The following PSMD11 variants were observed in gnomAD, a reference collection of about 807,000 sequenced individuals.
PSMD11 encodes proteasome 26S subunit, non-ATPase 11.
PSMD11 carries 5 observed loss-of-function variants against 62.3 expected under a neutral mutation model. The ratio of observed to expected loss-of-function variants is 0.08; its 90% confidence interval spans 0.04 to 0.17. PSMD11 has a LOEUF of 0.17. Among genes scored for constraint, PSMD11 ranks in the 10% least tolerant of loss-of-function variants. The pLI is 1.00. For synonymous variants in PSMD11, 191 were observed against 191.8 expected, an observed-to-expected ratio of 1.00 and a Z score of 0.03; for missense variants, 310 against 512.9, an observed-to-expected ratio of 0.60 and a Z score of 3.82.
intron 5 of PSMD11, 86 bp from the exon 6 acceptor site, chr17:32,468,913 T>A: frequency 2.5e-6 from 3 of 1,195,952 alleles, no homozygotes; most frequent in Non-Finnish European, 3.4e-6. Flanking sequence ...TTTTTTTTAA[T>A]CCTGAGTGTT....
chr17:32,463,960 A>T, intron 3 of PSMD11, 89 bp from the exon 4 acceptor site: 2 of 1,161,086 alleles, frequency 1.7e-6, no homozygotes, highest in South Asian at 1.2e-5. Flanking sequence ...ATAATATGTA[A>T]GGAGGGAATT....
chr17:32,449,147 G>T (rs1371457851), intron 2 of PSMD11, among the ~76,000 whole-genome samples: 1 of 152,150 alleles, frequency 6.6e-6, no homozygotes, highest in Non-Finnish European at 1.5e-5. Flanking sequence ...GCTCATGCCT[G>T]TAATCCCAGC....
At chr17:32,456,586 G>A (rs1228992850) in intron 3 of PSMD11, among the ~76,000 whole-genome samples, 1 of 152,134 alleles carries the variant, frequency 6.6e-6, no homozygotes, top group African/African-American at 2.4e-5. Flanking sequence ...CTGGAGTGCA[G>A]TGGCACGATC....
intron 11 of PSMD11, 79 bp from the exon 12 acceptor site, chr17:32,480,067 C>T: frequency 6.5e-7 from 1 of 1,541,898 alleles, no homozygotes; most frequent in Non-Finnish European, 9.0e-7. Context: ...GGCCTAAGAC[C>T]CCTCCAACAA....
intron 2 of PSMD11, among the ~76,000 whole-genome samples, chr17:32,449,114 T>G (rs1274880272): frequency 6.6e-6 from 1 of 152,194 alleles, no homozygotes; most frequent in African/African-American, 2.4e-5. Context: ...GAAAATTTTT[T>G]TTGTTGTTAG....
rs1908507473 is a variant in PSMD11 at position 32,481,971 on chromosome 17, C to A, written c.*1219C>A. ...ACGATTACACAGCGAGGCTTTAATG[C>A]CATTTGGGTAGGTGAGCTTCTGCAC... On this transcript the variant is annotated 3_prime_UTR_variant, in exon 14 of 14. Coordinates refer to ENST00000261712, the MANE Select transcript of PSMD11 (RefSeq NM_002815.4). The A allele has an allele frequency of 6.6e-6, 1 of 152,064 alleles. No individual in the cohort carries two copies. The highest frequency in any genetic ancestry group is 2.4e-5 in the African/African-American group (1 of 41,390). 9.4% of individuals were successfully genotyped at this position (152,064 alleles called of 1,614,324 possible).
At chr17:32,447,129 C>G (rs1907355658) in intron 2 of PSMD11, 83 bp downstream of exon 2, 3 of 1,079,892 alleles carry the variant, frequency 2.8e-6, no homozygotes, top group African/African-American at 1.7e-5. Context: ...GGGACTGATC[C>G]ACAAACTGAA....
At chr17:32,457,137 T>C (rs1949096444) in intron 3 of PSMD11, among the ~76,000 whole-genome samples, 1 of 152,252 alleles carries the variant, frequency 6.6e-6, no homozygotes, top group Admixed American at 6.5e-5. Context: ...ATTACATTTA[T>C]ATAAAGTAAA....
chr17:32,465,464 A>G (rs1907967034), intron 5 of PSMD11, among the ~76,000 whole-genome samples: 1 of 152,160 alleles, frequency 6.6e-6, no homozygotes, highest in South Asian at 2.1e-4. Context: ...TCCGAACAAA[A>G]GAACATGGCT....
At chr17:32,467,419 T>C (rs1908028682) in intron 5 of PSMD11, among the ~76,000 whole-genome samples, 1 of 151,756 alleles carries the variant, frequency 6.6e-6, no homozygotes, top group Non-Finnish European at 1.5e-5. Context: ...CTAGTTTGTA[T>C]ATTTTTAATA....
intron 2 of PSMD11, among the ~76,000 whole-genome samples, chr17:32,452,372 A>G (rs554301498): frequency 2.6e-4 from 39 of 152,324 alleles, no homozygotes; most frequent in Non-Finnish European, 5.3e-4. Flanking sequence ...TGTATCCAAA[A>G]CATGTTAATA....
chr17:32,475,084 T>A (rs1289462732), intron 8 of PSMD11, among the ~76,000 whole-genome samples: 2 of 152,130 alleles, frequency 1.3e-5, no homozygotes, highest in Non-Finnish European at 2.9e-5. Context: ...TTGCAGTGAG[T>A]TAGTTTGCAT....
intron 2 of PSMD11, among the ~76,000 whole-genome samples, chr17:32,451,427 T>C (rs2150829333): frequency 6.6e-6 from 1 of 152,310 alleles, no homozygotes; most frequent in South Asian, 2.1e-4. Context: ...GTTTCTTTTA[T>C]TATCAAAAAA....
intron 8 of PSMD11, among the ~76,000 whole-genome samples, chr17:32,476,504 C>G (rs1163063211): frequency 1.3e-5 from 2 of 152,160 alleles, no homozygotes; most frequent in African/African-American, 2.4e-5. Flanking sequence ...ACCATGTAGT[C>G]TACTGTATAA....
At position 32,474,774 on chromosome 17, in the gene PSMD11, G is replaced by C. The variant is rs1288046584; in HGVS notation, c.799G>C (p.Val267Leu). 6.2e-7 allele frequency: 1 copy of C among 1,614,094 alleles called. No individual in the cohort carries two copies. The change falls in exon 8 of 14, where the codon GTC becomes CTC. Residue 267 changes from valine (V) to leucine (L), a missense_variant. This residue lies in a region of PSMD11 where 135 missense variants were observed against 195.4 expected (regional missense o/e 0.69). Coordinates refer to ENST00000261712, the MANE Select transcript of PSMD11 (RefSeq NM_002815.4). ...TGTCTTTTTTTCTAGCCCAGAAGATGTCCAGGCTTTGGTGAGCGGGAAGCT... is the reference window on the plus strand; with the variant it reads ...TGTCTTTTTTTCTAGCCCAGAAGATCTCCAGGCTTTGGTGAGCGGGAAGCT... ...CKIMLNTPED[V>L]QALVSGKLAL...
intron 2 of PSMD11, among the ~76,000 whole-genome samples, chr17:32,453,684 C>T (rs1341859702): frequency 6.6e-6 from 1 of 152,190 alleles, no homozygotes; most frequent in African/African-American, 2.4e-5. Flanking sequence ...TTTTAACCTA[C>T]ATTCCAAAAT....
chr17:32,449,231 C>A (rs867067929), intron 2 of PSMD11, among the ~76,000 whole-genome samples: 10 of 152,024 alleles, frequency 6.6e-5, no homozygotes, highest in Admixed American at 3.9e-4. Context: ...ATAATGAGAC[C>A]CTGTCTCTAC....
chr17:32,469,135 C>T lies in PSMD11; in HGVS notation c.585C>T (p.Thr195=). ...GAGCTGCCTTAACTTCTGCTCGAACCACAGCAAATGCCATCTACTGCCCCC... is the reference window on the plus strand; with the variant it reads ...GAGCTGCCTTAACTTCTGCTCGAACTACAGCAAATGCCATCTACTGCCCCC... ...KARAALTSAR[T]TANAIYCPPK... is the part of the protein sequence containing the mutation. Residue 195 remains threonine, a synonymous_variant, in exon 6 of 14, where the codon ACC becomes ACT. Transcript: ENST00000261712. The T allele has an allele frequency of 6.2e-7, 1 of 1,614,148 alleles. No homozygotes were observed. The highest frequency in any genetic ancestry group is 8.5e-7 in the Non-Finnish European group (1 of 1,180,028).
At chr17:32,477,163 T>A in intron 8 of PSMD11, 1 of 203,264 alleles carries the variant, frequency 4.9e-6, no homozygotes, top group South Asian at 1.5e-4. Context: ...CAAGAAGGAG[T>A]TTGGGTGGAT....
Sources: gnomAD v4.1 joint callset for allele counts (sites outside exome capture counted in the v4.1 genomes callset) on GRCh38, gnomAD v4.1.1 for gene constraint, gnomAD v4.1.1 regional missense constraint, MANE v1.5 for transcripts, NCBI Gene and HGNC (gene_info 2026-07-23, HGNC 2026-07-21) for gene names.